Variants in ALCAM observed in about 807,000 individuals in gnomAD.
ALCAM encodes the protein CD166 antigen.
A neutral mutation model predicts 70.9 loss-of-function variants in ALCAM; 30 were observed. The ratio of observed to expected loss-of-function variants is 0.42; its 90% CI spans 0.32 to 0.57. The LOEUF is 0.57. Among genes scored for constraint, ALCAM ranks in the 20% least tolerant of loss-of-function variants. The probability of loss-of-function intolerance (pLI) is 0.11; values close to 1 mark genes in which losing one functional copy is unlikely to be tolerated. For synonymous variants in ALCAM, 249 were observed against 242.5 expected (o/e 1.03, Z -0.25); for missense variants, 591 against 695.1 (o/e 0.85, Z 1.68).
chr3:105,546,105 G>A (rs563463514), intron 9 of ALCAM, among the ~76,000 whole-genome samples: 1 of 151,422 alleles, frequency 6.6e-6, no homozygotes, highest in Admixed American at 6.6e-5. Context: ...CAAAGGAAAA[G>A]GTTGTGATTG....
intron 14 of ALCAM, chr3:105,553,028 G>A (rs1370446170): frequency 1.0e-6 from 1 of 1,002,000 alleles, no homozygotes; most frequent in African/African-American, 1.7e-5. Context: ...ATATCTTATT[G>A]TTATTACTCC....
intron 1 of ALCAM, among the ~76,000 whole-genome samples, chr3:105,427,286 T>A (rs1936814304): frequency 6.6e-6 from 1 of 151,946 alleles, no homozygotes; most frequent in African/African-American, 2.4e-5. Context: ...GCTCCTTCTT[T>A]ACCTGACAAG....
chr3:105,544,660 C>G (rs1212089176), intron 8 of ALCAM: 1 of 157,574 alleles, frequency 6.3e-6, no homozygotes, highest in Admixed American at 6.3e-5. Flanking sequence ...TTTTCTCATA[C>G]AGATCAGACT....
At chr3:105,536,843 C>T (rs1245487300) in intron 6 of ALCAM, among the ~76,000 whole-genome samples, 1 of 152,120 alleles carries the variant, frequency 6.6e-6, no homozygotes, top group African/African-American at 2.4e-5. Flanking sequence ...GACAGTGGTT[C>T]TCAAACTGTA....
At chr3:105,511,222 G>A (rs561744419) in intron 1 of ALCAM, among the ~76,000 whole-genome samples, 2 of 152,116 alleles carry the variant, frequency 1.3e-5, no homozygotes, top group South Asian at 4.1e-4. Flanking sequence ...ACCATTGTGG[G>A]CAAGCTACAA....
In ALCAM at chr3:105,367,356, C is replaced by A; in HGVS notation, c.-53C>A. Reference sequence around the variant, plus strand: ...GGGCACCGCGGGGCCCGGGACGACGCCCCCTCCTGCGGCGTGGACTCCGTC... The same window carrying A: ...GGGCACCGCGGGGCCCGGGACGACGACCCCTCCTGCGGCGTGGACTCCGTC... On this transcript the variant is annotated 5_prime_UTR_variant, in exon 1 of 16. Coordinates refer to ENST00000306107, the MANE Select transcript of ALCAM (RefSeq NM_001627.4). The A allele has an allele frequency of 6.3e-7, 1 of 1,592,602 alleles. No homozygotes were observed.
intron 1 of ALCAM, among the ~76,000 whole-genome samples, chr3:105,449,254 C>A (rs11710166): frequency 0.15 from 22,794 of 152,106 alleles, 1,820 homozygotes; most frequent in Middle Eastern, 0.19. Flanking sequence ...TGCTTGGCTG[C>A]AGGTTGTATA....
rs75105656 is a variant in ALCAM, at chr3:105,498,887, A to C, written c.74-21180A>C. Reference sequence around the variant, plus strand: ...GTACAATGCCTTTAGTATTTTTTCTAATAGATTTAGTTCCATCACGAACTG... The same window carrying C: ...GTACAATGCCTTTAGTATTTTTTCTCATAGATTTAGTTCCATCACGAACTG... On this transcript the variant is annotated intron_variant, in intron 1 of 15. Transcript: ENST00000306107. Among the ~76,000 whole-genome samples, 28 of 152,294 alleles carry C rather than the reference A, an allele frequency of 1.8e-4. No individual in the cohort carries two copies. In the East Asian group the frequency reaches 5.0e-3, roughly 27 times the overall value.
chr3:105,445,325 T>A (rs1376704856), intron 1 of ALCAM, among the ~76,000 whole-genome samples: 1 of 152,040 alleles, frequency 6.6e-6, no homozygotes, highest in East Asian at 1.9e-4. Context: ...ATAAAAAAAC[T>A]GAAGAAGACA....
At chr3:105,401,730 A>G (rs951121045) in intron 1 of ALCAM, among the ~76,000 whole-genome samples, 7 of 152,144 alleles carry the variant, frequency 4.6e-5, no homozygotes, top group African/African-American at 1.7e-4. Flanking sequence ...AGCCCTTTTA[A>G]TGACCCCGTC....
chr3:105,477,437 G>A (rs1216924467), intron 1 of ALCAM, among the ~76,000 whole-genome samples: 1 of 152,026 alleles, frequency 6.6e-6, no homozygotes, highest in African/African-American at 2.4e-5. Context: ...GTGCTTTAAA[G>A]ATGTTGATTT....
intron 1 of ALCAM, among the ~76,000 whole-genome samples, chr3:105,394,174 T>C (rs1935892214): frequency 6.6e-6 from 1 of 151,946 alleles, no homozygotes; most frequent in African/African-American, 2.4e-5. Context: ...ATTTTATTCT[T>C]AGACAATTGA....
chr3:105,566,390 C>T (rs1479152635), intron 14 of ALCAM, among the ~76,000 whole-genome samples: 3 of 152,166 alleles, frequency 2.0e-5, no homozygotes, highest in African/African-American at 7.2e-5. Context: ...GGTGCATATA[C>T]TTACAATTGT....
chr3:105,431,465 G>A (rs1055749822), intron 1 of ALCAM, among the ~76,000 whole-genome samples: 2 of 152,074 alleles, frequency 1.3e-5, no homozygotes, highest in Non-Finnish European at 2.9e-5. Context: ...TTGTCATAGC[G>A]ATGAGCAAAG....
intron 1 of ALCAM, among the ~76,000 whole-genome samples, chr3:105,450,984 A>G (rs1344319100): frequency 2.0e-5 from 3 of 152,168 alleles, no homozygotes; most frequent in Non-Finnish European, 4.4e-5. Context: ...TGGGGAAGAG[A>G]AAAAGTACAC....
intron 1 of ALCAM, among the ~76,000 whole-genome samples, chr3:105,373,493 G>C (rs566797880): frequency 5.6e-4 from 86 of 152,220 alleles, no homozygotes; most frequent in African/African-American, 1.7e-3. Flanking sequence ...GTTTTAGAGA[G>C]AGTCTAGATT....
intron 1 of ALCAM, among the ~76,000 whole-genome samples, chr3:105,412,617 C>T (rs1276129788): frequency 2.0e-5 from 3 of 152,012 alleles, no homozygotes; most frequent in Non-Finnish European, 4.4e-5. Flanking sequence ...TTCTTTTACA[C>T]GTGAGATGAT....
intron 3 of ALCAM, among the ~76,000 whole-genome samples, chr3:105,530,102 T>C (rs980332167): frequency 6.6e-6 from 1 of 152,070 alleles, no homozygotes; most frequent in African/African-American, 2.4e-5. Flanking sequence ...ATTAACTGCA[T>C]GTATTACATC....
intron 1 of ALCAM, among the ~76,000 whole-genome samples, chr3:105,495,309 G>T (rs192860635): frequency 6.6e-6 from 1 of 152,226 alleles, no homozygotes; most frequent in African/African-American, 2.4e-5. Context: ...ACCACTTGGG[G>T]GCTGCTGATA....
Sources: gnomAD v4.1 joint callset for allele counts (sites outside exome capture counted in the v4.1 genomes callset) on GRCh38, gnomAD v4.1.1 for gene constraint, MANE v1.5 for transcripts, NCBI Gene and HGNC (gene_info 2026-07-23, HGNC 2026-07-21) for gene names.